The following INPP4B variants were observed in gnomAD, a reference collection of about 807,000 sequenced individuals.
The protein encoded by INPP4B is inositol polyphosphate-4-phosphatase type II B, also known as inositol polyphosphate 4-phosphatase type II.
A neutral mutation model predicts 122.5 loss-of-function variants in INPP4B; 55 were observed. That is an observed-to-expected ratio of 0.45 (90% CI 0.36 to 0.56). INPP4B has a LOEUF of 0.56. INPP4B is among the 20% of genes least tolerant of loss of function. INPP4B has a pLI of 0.00. For missense variants in INPP4B, 1,000 were observed against 1,097.7 expected (o/e 0.91, Z 1.26); for synonymous variants, 403 against 388.7 (o/e 1.04, Z -0.43).
intron 2 of INPP4B, among the ~76,000 whole-genome samples, chr4:142,653,951 C>A (rs958169237): frequency 1.3e-5 from 2 of 152,082 alleles, no homozygotes; most frequent in African/African-American, 4.8e-5. Context: ...TTCACAATAG[C>A]AAAGACTTGG....
intron 11 of INPP4B, among the ~76,000 whole-genome samples, chr4:142,239,547 A>G (rs1858260733): frequency 6.6e-6 from 1 of 152,174 alleles, no homozygotes; most frequent in Non-Finnish European, 1.5e-5. Context: ...AAGAACTTAC[A>G]GCCAATCAAT....
At chr4:142,484,359 T>G (rs2149752331) in intron 2 of INPP4B, among the ~76,000 whole-genome samples, 1 of 152,132 alleles carries the variant, frequency 6.6e-6, no homozygotes, top group East Asian at 1.9e-4. Flanking sequence ...TGTGTGAAAT[T>G]TATGAAAAAT....
intron 3 of INPP4B, among the ~76,000 whole-genome samples, chr4:142,441,932 G>A (rs1377611988): frequency 6.6e-6 from 1 of 151,724 alleles, no homozygotes; most frequent in African/African-American, 2.4e-5. Flanking sequence ...TACAAGCAAG[G>A]CAAAATCCAG....
At chr4:142,813,635 C>G (rs955865778) in intron 1 of INPP4B, among the ~76,000 whole-genome samples, 4 of 152,070 alleles carry the variant, frequency 2.6e-5, no homozygotes, top group Non-Finnish European at 4.4e-5. Flanking sequence ...GCAAAGCTTT[C>G]TCATGGCACA....
intron 7 of INPP4B, among the ~76,000 whole-genome samples, chr4:142,352,721 A>C (rs755368028): frequency 2.6e-5 from 4 of 151,988 alleles, no homozygotes; most frequent in Non-Finnish European, 5.9e-5. Flanking sequence ...CACCTATGAA[A>C]GTGTAAACAC....
chr4:142,248,314 G>A (rs1244890036), intron 11 of INPP4B, among the ~76,000 whole-genome samples: 3 of 145,906 alleles, frequency 2.1e-5, no homozygotes, highest in Admixed American at 1.4e-4. Context: ...CTCTGTCTCT[G>A]TGTTTCTCTC....
Position 142,405,222 on chromosome 4 carries a change from C to T in INPP4B, c.239G>A (p.Ser80Asn), listed in dbSNP as rs764866305. 2.5e-6 allele frequency: 4 copies of T among 1,600,494 alleles called. No homozygotes were observed. Among genetic ancestry groups the T allele is most frequent in the Non-Finnish European group, 3.4e-6 (4 of 1,168,002 alleles). Residue 80 changes from serine (S) to asparagine (N), a missense_variant, in exon 6 of 26, where the codon AGC becomes AAC. By Grantham distance (46) the Ser-to-Asn change is conservative (BLOSUM62 1). Coordinates refer to ENST00000262992, the MANE Select transcript of INPP4B (RefSeq NM_001101669.3). ...PVEQSLTRYS[S>N]TEIVEGTRDP... ...GCATCTCACCTCCACAATTTCGGTG[C>T]TGGAGTATCTTGTCAGACTCTGCTC...
intron 2 of INPP4B, among the ~76,000 whole-genome samples, chr4:142,582,705 T>TG (rs1202335990): frequency 6.6e-6 from 1 of 152,138 alleles, no homozygotes; most frequent in Non-Finnish European, 1.5e-5. Context: ...GAAATGGGCA[T>TG]GGGCCAGGCC....
chr4:142,827,636 T>A (rs1355434933), intron 1 of INPP4B, among the ~76,000 whole-genome samples: 1 of 152,158 alleles, frequency 6.6e-6, no homozygotes, highest in East Asian at 1.9e-4. Flanking sequence ...AGAAATATAT[T>A]TCCTAAAGAG....
intron 7 of INPP4B, among the ~76,000 whole-genome samples, chr4:142,357,316 T>TG (rs1232570041): frequency 6.6e-6 from 1 of 151,898 alleles, no homozygotes; most frequent in Non-Finnish European, 1.5e-5. Context: ...CCTTAACCTG[T>TG]GGGGTCTTTG....
intron 15 of INPP4B, among the ~76,000 whole-genome samples, chr4:142,191,674 A>G (rs1385085788): frequency 6.6e-6 from 1 of 152,222 alleles, no homozygotes; most frequent in Admixed American, 6.5e-5. Flanking sequence ...TTAATGGGTA[A>G]CCTGAGGGAG....
At chr4:142,297,926 A>T (rs1264454404) in intron 9 of INPP4B, among the ~76,000 whole-genome samples, 1 of 152,194 alleles carries the variant, frequency 6.6e-6, no homozygotes. Context: ...TTGGAACTTC[A>T]CTACATTTAT....
At position 142,237,714 on chromosome 4, in the gene INPP4B, G is replaced by A. The variant is rs570891296; in HGVS notation, c.836+150C>T. On this transcript the variant is annotated intron_variant, in intron 12 of 25. Coordinates refer to ENST00000262992, the MANE Select transcript of INPP4B (RefSeq NM_001101669.3). Reference sequence around the variant, plus strand: ...AAAATAATAATTGATAAGTACGTGAGGTAAGGCAAATGTTAACTGGCTCGG... The same window carrying A: ...AAAATAATAATTGATAAGTACGTGAAGTAAGGCAAATGTTAACTGGCTCGG... 2.1e-5 allele frequency: 10 copies of A among 466,754 alleles called. No homozygotes were observed. In the East Asian group the frequency reaches 3.2e-4, roughly 15 times the overall value. 28.9% of individuals were successfully genotyped at this position (466,754 alleles called of 1,614,324 possible). A position where few individuals can be genotyped will look rare whatever the true frequency, so the allele number is the denominator to read the frequency against.
intron 7 of INPP4B, among the ~76,000 whole-genome samples, chr4:142,351,293 C>T (rs1161910810): frequency 1.3e-5 from 2 of 152,012 alleles, no homozygotes; most frequent in Non-Finnish European, 2.9e-5. Context: ...CTATTCCCTA[C>T]CTCTAGAGCT....
intron 7 of INPP4B, among the ~76,000 whole-genome samples, chr4:142,364,882 G>C (rs1054419201): frequency 1.3e-5 from 2 of 152,046 alleles, no homozygotes; most frequent in Admixed American, 6.6e-5. Context: ...AACAGCACCA[G>C]TCATGCAAGG....
intron 2 of INPP4B, among the ~76,000 whole-genome samples, chr4:142,588,217 A>T (rs1031288260): frequency 6.6e-6 from 1 of 151,974 alleles, no homozygotes; most frequent in East Asian, 1.9e-4. Flanking sequence ...ATAAGAAACT[A>T]GATACTTTTC....
intron 21 of INPP4B, among the ~76,000 whole-genome samples, chr4:142,115,044 T>G (rs1314142364): frequency 6.6e-6 from 1 of 151,748 alleles, no homozygotes; most frequent in Non-Finnish European, 1.5e-5. Context: ...TTCAATCAAG[T>G]GGAAGAAAGG....
intron 25 of INPP4B, among the ~76,000 whole-genome samples, chr4:142,042,706 G>T (rs1218926042): frequency 3.3e-5 from 5 of 152,088 alleles, no homozygotes; most frequent in Admixed American, 6.6e-5. Flanking sequence ...GGAATTACAG[G>T]CACGCGCCCT....
intron 1 of INPP4B, among the ~76,000 whole-genome samples, chr4:142,788,692 C>A (rs978211049): frequency 6.6e-6 from 1 of 152,098 alleles, no homozygotes; most frequent in African/African-American, 2.4e-5. Context: ...TAGCTTAGCT[C>A]TCACTTATGA....
Sources: gnomAD v4.1 joint callset for allele counts (sites outside exome capture counted in the v4.1 genomes callset) on GRCh38, gnomAD v4.1.1 for gene constraint, MANE v1.5 for transcripts, NCBI Gene and HGNC (gene_info 2026-07-23, HGNC 2026-07-21) for gene names.